The following UBE3C variants were observed in gnomAD, a reference collection of about 807,000 sequenced individuals.
UBE3C encodes ubiquitin protein ligase E3C, also known as ubiquitin-protein ligase E3C.
UBE3C carries 42 observed loss-of-function variants against 129.4 expected under a neutral mutation model. The ratio of observed to expected loss-of-function variants is 0.32; its 90% CI spans 0.25 to 0.42. UBE3C has a LOEUF of 0.42. Ranked by LOEUF, UBE3C falls within the 10% of genes least tolerant of loss-of-function variation. UBE3C has a pLI of 1.00. For synonymous variants in UBE3C, 510 were observed against 492.4 expected, an observed-to-expected ratio of 1.04 and a Z score of -0.47; for missense variants, 1,049 against 1,319.1, an observed-to-expected ratio of 0.80 and a Z score of 3.17.
At chr7:157,197,500 A>G (rs946645286) in intron 10 of UBE3C, 4 of 827,192 alleles carry the variant, frequency 4.8e-6, no homozygotes, top group Non-Finnish European at 6.9e-6. Context: ...AAAATAATAA[A>G]AATAATTTGT....
At position 157,201,716 on chromosome 7, in the gene UBE3C, T is replaced by G; in HGVS notation, c.1332-5T>G. ...GTTCTGTGTTTTTCTCCTATTCCTT[T>G]TTAGGCTTCTCTACAGTTTAGCCTT... On this transcript the variant is annotated splice_polypyrimidine_tract_variant and splice_region_variant and intron_variant, in intron 10 of 22. Transcript: ENST00000348165. The G allele has an allele frequency of 6.3e-7, 1 of 1,593,348 alleles. No individual in the cohort carries two copies. The highest frequency in any genetic ancestry group is 8.5e-7 in the Non-Finnish European group (1 of 1,170,224).
At chr7:157,248,347 T>C (rs569791784) in intron 18 of UBE3C, 21 bp from the exon 19 acceptor site, 3 of 1,605,692 alleles carry the variant, frequency 1.9e-6, no homozygotes, top group South Asian at 2.2e-5. Flanking sequence ...ATGCTAACGT[T>C]GTCACTGTTC....
At chr7:157,265,148 G>T (rs886182312) in intron 22 of UBE3C, among the ~76,000 whole-genome samples, 1 of 152,224 alleles carries the variant, frequency 6.6e-6, no homozygotes, top group African/African-American at 2.4e-5. Context: ...AGTTGTGAAT[G>T]TGGGTGAAGC....
intron 19 of UBE3C, among the ~76,000 whole-genome samples, chr7:157,250,137 G>A (rs1796585687): frequency 1.3e-5 from 2 of 152,220 alleles, no homozygotes; most frequent in African/African-American, 4.8e-5. Flanking sequence ...GCCGGGAGGT[G>A]TGATGCCTGA....
intron 13 of UBE3C, among the ~76,000 whole-genome samples, chr7:157,215,930 G>A (rs1264821009): frequency 6.6e-6 from 1 of 152,176 alleles, no homozygotes. Context: ...TAGGTTCCAA[G>A]GTGGCTAGTT....
At chr7:157,168,747 T>G (rs943963482) in intron 2 of UBE3C, among the ~76,000 whole-genome samples, 3 of 152,086 alleles carry the variant, frequency 2.0e-5, no homozygotes, top group African/African-American at 7.2e-5. Flanking sequence ...AGCACATCCA[T>G]AAGATAGAAG....
intron 10 of UBE3C, chr7:157,189,091 A>T (rs1347754776): frequency 2.4e-6 from 1 of 415,760 alleles, no homozygotes; most frequent in Non-Finnish European, 4.3e-6. Flanking sequence ...AAATAGGAAT[A>T]TATATTCATA....
intron 1 of UBE3C, among the ~76,000 whole-genome samples, chr7:157,161,562 C>CT (rs1479584203): frequency 6.6e-6 from 1 of 151,556 alleles, no homozygotes; most frequent in African/African-American, 2.4e-5. Flanking sequence ...AGTGATCTTT[C>CT]TGCCTCAACC....
intron 14 of UBE3C, among the ~76,000 whole-genome samples, chr7:157,218,363 C>T (rs1312325825): frequency 3.9e-5 from 6 of 151,984 alleles, no homozygotes; most frequent in East Asian, 1.9e-4. Context: ...GCAGGAGAAT[C>T]GCTTGAACCT....
At chr7:157,174,742 C>T (rs950345978) in intron 4 of UBE3C, among the ~76,000 whole-genome samples, 177 bp from the exon 5 acceptor site, 2 of 152,160 alleles carry the variant, frequency 1.3e-5, no homozygotes, top group African/African-American at 4.8e-5. Context: ...CTGTGCCTGG[C>T]TGGAAAATGC....
At chr7:157,267,517 C>A in intron 22 of UBE3C, 68 bp from the exon 23 acceptor site, 1 of 1,570,224 alleles carries the variant, frequency 6.4e-7, no homozygotes, top group Non-Finnish European at 8.7e-7. Context: ...ATTTTGTGTA[C>A]TTTGTATTAA....
Position 157,228,745 on chromosome 7 carries a change from C to T in UBE3C, c.2234-2335C>T, listed in dbSNP as rs529002228. ...GGCCCCATCTTGTCCATTCAGTCAG[C>T]GACCACTGCTCAGTGAATGGGAACT... On this transcript the variant is annotated intron_variant, in intron 17 of 22. Transcript: ENST00000348165. Among the ~76,000 whole-genome samples the T allele has an allele frequency of 5.3e-5, 8 of 152,304 alleles. No homozygotes were observed. The East Asian group carries it at 9.7e-4, about 18-fold the overall frequency.
intron 18 of UBE3C, among the ~76,000 whole-genome samples, chr7:157,239,424 A>T (rs190007268): frequency 3.9e-4 from 60 of 152,286 alleles, no homozygotes; most frequent in African/African-American, 1.4e-3. Context: ...CAGGATCCTG[A>T]TGCTCCTGGG....
chr7:157,261,200 G>T (rs1374261351), intron 22 of UBE3C, among the ~76,000 whole-genome samples: 2 of 149,818 alleles, frequency 1.3e-5, no homozygotes, highest in Non-Finnish European at 3.0e-5. Context: ...CAGCTACTTG[G>T]GAGGCTGAGG....
intron 15 of UBE3C, chr7:157,220,978 T>A (rs1795721943): frequency 3.8e-6 from 2 of 525,302 alleles, no homozygotes; most frequent in Non-Finnish European, 6.8e-6. Flanking sequence ...CACCCATTTC[T>A]GTTTTGTCCT....
intron 13 of UBE3C, among the ~76,000 whole-genome samples, chr7:157,213,009 C>T (rs1166058850): frequency 1.3e-5 from 2 of 152,310 alleles, no homozygotes; most frequent in Admixed American, 6.5e-5. Flanking sequence ...CTGCCTGCCT[C>T]GGCCTCCCAA....
At chr7:157,244,276 G>A (rs1340883030) in intron 18 of UBE3C, among the ~76,000 whole-genome samples, 2 of 152,130 alleles carry the variant, frequency 1.3e-5, no homozygotes, top group East Asian at 3.8e-4. Flanking sequence ...CTGCCCCCTA[G>A]GAGTTTAGAG....
At chr7:157,251,187 A>G (rs1331535514) in intron 19 of UBE3C, among the ~76,000 whole-genome samples, 2 of 152,234 alleles carry the variant, frequency 1.3e-5, no homozygotes, top group African/African-American at 4.8e-5. Context: ...ACAAGTTTTT[A>G]AGTTTATAAA....
chr7:157,175,968 T>G (rs1413751934), intron 5 of UBE3C, among the ~76,000 whole-genome samples: 1 of 152,226 alleles, frequency 6.6e-6, no homozygotes, highest in Non-Finnish European at 1.5e-5. Flanking sequence ...CTTACAACTC[T>G]TTAAAAATAA....
Sources: allele counts gnomAD v4.1 joint callset (sites outside exome capture counted in the v4.1 genomes callset), GRCh38; gene constraint gnomAD v4.1.1; transcripts MANE v1.5; gene names NCBI Gene and HGNC (gene_info 2026-07-23, HGNC 2026-07-21).